NPL: variants seen among roughly 807,000 people sequenced by gnomAD.
NPL encodes N-acetylneuraminate pyruvate lyase.
In NPL, 32 loss-of-function variants were observed where a neutral mutation model predicts 41.1. The ratio of observed to expected loss-of-function variants is 0.78; its 90% confidence interval spans 0.59 to 1.05. The LOEUF (loss-of-function observed/expected upper bound fraction) is 1.05, where lower values mean the gene tolerates loss of function less well. Ranked by LOEUF, NPL falls within the 50% of genes least tolerant of loss-of-function variation. The pLI, the probability that NPL is intolerant of heterozygous loss-of-function variation, is 0.00. For missense variants in NPL, 321 were observed against 378.4 expected (o/e 0.85, Z 1.26); for synonymous variants, 128 against 134.9 (o/e 0.95, Z 0.35).
intron 5 of NPL, chr1:182,806,520 T>C (rs1310492386): frequency 6.5e-7 from 1 of 1,536,140 alleles, no homozygotes; most frequent in African/African-American, 1.4e-5. Context: ...TTACCCGTCT[T>C]TGGGCTGAAA....
At chr1:182,793,345 A>C (rs1666569030) in intron 2 of NPL, among the ~76,000 whole-genome samples, 1 of 151,884 alleles carries the variant, frequency 6.6e-6, no homozygotes, top group Admixed American at 6.6e-5. Context: ...GGGCAGGTAC[A>C]CTCTCTGCCA....
At chr1:182,824,821 T>G (rs1227329589) in intron 11 of NPL, among the ~76,000 whole-genome samples, 1 of 152,108 alleles carries the variant, frequency 6.6e-6, no homozygotes, top group African/African-American at 2.4e-5. Context: ...AAAATAAAAA[T>G]TAAAAGATGC....
At chr1:182,818,433 T>A in intron 8 of NPL, 108 bp from the exon 9 acceptor site, 1 of 1,398,144 alleles carries the variant, frequency 7.2e-7, no homozygotes, top group Non-Finnish European at 1.0e-6. Context: ...CTGCAGTCAG[T>A]TCTGGCTGAC....
At chr1:182,827,768 T>A (rs796958422) in intron 12 of NPL, among the ~76,000 whole-genome samples, 42 of 152,356 alleles carry the variant, frequency 2.8e-4, no homozygotes, top group African/African-American at 1.0e-3. Flanking sequence ...CATTTTTGAA[T>A]GTGCTGGTTC....
chr1:182,807,720 CAAAAAAAA>C (rs753955697), intron 5 of NPL, among the ~76,000 whole-genome samples: 16 of 55,432 alleles, frequency 2.9e-4, no homozygotes, highest in South Asian at 2.4e-3. Context: ...ACTAAAAATA[CAAAAAAAA>C]AAAAAAAAAA....
Position 182,814,812 on chromosome 1 carries a change from T to C in NPL, c.318T>C (p.Asp106=). The C allele has an allele frequency of 6.2e-7, 1 of 1,614,130 alleles. No individual in the cohort carries two copies. Among genetic ancestry groups the C allele is most frequent in the Non-Finnish European group, 8.5e-7 (1 of 1,179,982 alleles). The change falls in exon 7 of 13, where the codon GAT becomes GAC. Residue 106 remains aspartate, a synonymous_variant. Coordinates refer to ENST00000367553, the MANE Select transcript of NPL (RefSeq NM_030769.3). ...AACATGCAGCAGAAATAGGAGCTGATGGCATCGCTGTCATTGCACCGTTCT... is the reference window on the plus strand; with the variant it reads ...AACATGCAGCAGAAATAGGAGCTGACGGCATCGCTGTCATTGCACCGTTCT... ...LAQHAAEIGA[D]GIAVIAPFFL...
intron 4 of NPL, among the ~76,000 whole-genome samples, chr1:182,804,833 C>G (rs1036840910): frequency 6.6e-6 from 1 of 152,106 alleles, no homozygotes; most frequent in African/African-American, 2.4e-5. Context: ...ATTACAAAAC[C>G]ACTCAATGTC....
chr1:182,795,803 G>T (rs541582451), intron 3 of NPL: 3 of 152,300 alleles, frequency 2.0e-5, no homozygotes, highest in African/African-American at 7.2e-5. Context: ...GAAGACATGT[G>T]ATTGCATGAA....
At chr1:182,793,268 C>T (rs1433413472) in intron 2 of NPL, among the ~76,000 whole-genome samples, 1 of 152,166 alleles carries the variant, frequency 6.6e-6, no homozygotes. Flanking sequence ...GCCTATGGAA[C>T]TGAGGCTGTT....
chr1:182,806,034 C>T (rs1666996933), intron 4 of NPL, 111 bp from the exon 5 acceptor site: 1 of 1,248,274 alleles, frequency 8.0e-7, no homozygotes, highest in African/African-American at 1.5e-5. Flanking sequence ...ATGGCATTTT[C>T]CCCTCCTGAC....
chr1:182,814,692 T>A, intron 6 of NPL, 91 bp from the exon 7 acceptor site: 1 of 1,070,298 alleles, frequency 9.3e-7, no homozygotes, highest in Non-Finnish European at 1.4e-6. Flanking sequence ...GTTAGCAAAT[T>A]TGAAGAGCTT....
At chr1:182,822,396 A>G (rs970865860) in intron 11 of NPL, among the ~76,000 whole-genome samples, 197 bp downstream of exon 11, 4 of 152,198 alleles carry the variant, frequency 2.6e-5, no homozygotes, top group African/African-American at 9.7e-5. Context: ...ATGTCTAATC[A>G]GGACAGGACC....
At chr1:182,825,745 A>G (rs1422808401) in intron 11 of NPL, 36 bp from the exon 12 acceptor site, 1 of 1,337,162 alleles carries the variant, frequency 7.5e-7, no homozygotes, top group Non-Finnish European at 1.1e-6. Flanking sequence ...TACACAGTTC[A>G]ATAATACTAA....
intron 5 of NPL, chr1:182,806,603 C>T: frequency 6.7e-7 from 1 of 1,492,514 alleles, no homozygotes. Context: ...CACCCCTTCC[C>T]TTCTTGGGAT....
intron 11 of NPL, among the ~76,000 whole-genome samples, chr1:182,824,625 G>A (rs1204004802): frequency 3.3e-5 from 5 of 151,886 alleles, no homozygotes; most frequent in African/African-American, 7.3e-5. Context: ...GCAAAACCCC[G>A]TCTCTACTAA....
intron 6 of NPL, among the ~76,000 whole-genome samples, chr1:182,814,490 T>C (rs1440984702): frequency 6.6e-6 from 1 of 152,232 alleles, no homozygotes; most frequent in Non-Finnish European, 1.5e-5. Context: ...ATATCTCGAT[T>C]AACTGTTATA....
intron 3 of NPL, among the ~76,000 whole-genome samples, chr1:182,799,247 C>A (rs552820902): frequency 6.6e-6 from 1 of 152,048 alleles, no homozygotes; most frequent in South Asian, 2.1e-4. Context: ...GACTTTCTTC[C>A]GCTTATGTAG....
chr1:182,814,923 A>C, intron 7 of NPL, 65 bp downstream of exon 7: 1 of 1,293,572 alleles, frequency 7.7e-7, no homozygotes. Context: ...TCCATTCAAA[A>C]TGGTTATATT....
At chr1:182,807,587 A>T (rs1667051096) in intron 5 of NPL, among the ~76,000 whole-genome samples, 2 of 151,928 alleles carry the variant, frequency 1.3e-5, no homozygotes, top group African/African-American at 4.8e-5. Flanking sequence ...CACATTAAGA[A>T]CAGTACTGGC....
Sources: gnomAD v4.1 joint callset for allele counts (sites outside exome capture counted in the v4.1 genomes callset) on GRCh38, gnomAD v4.1.1 for gene constraint, MANE v1.5 for transcripts, NCBI Gene and HGNC (gene_info 2026-07-23, HGNC 2026-07-21) for gene names.